The following PAQR8 variants were observed in gnomAD, a reference collection of about 807,000 sequenced individuals.
PAQR8 encodes the protein progestin and adipoQ receptor family member 8.
A neutral mutation model predicts 25.2 loss-of-function variants in PAQR8; 17 were observed. The observed-to-expected ratio is 0.67, with a 90% CI of 0.46 to 1.01. The LOEUF (loss-of-function observed/expected upper bound fraction) is 1.01, where lower values mean the gene tolerates loss of function less well. Among genes scored for constraint, PAQR8 ranks in the 50% least tolerant of loss-of-function variants. The pLI, the probability that PAQR8 is intolerant of heterozygous loss-of-function variation, is 0.00. For synonymous variants in PAQR8, 204 were observed against 190.6 expected (o/e 1.07, Z -0.58); for missense variants, 392 against 448.4 (o/e 0.87, Z 1.14).
intron 1 of PAQR8, among the ~76,000 whole-genome samples, chr6:52,394,096 A>G (rs895151125): frequency 2.0e-5 from 3 of 152,154 alleles, no homozygotes; most frequent in Admixed American, 6.5e-5. Context: ...TGTGAGAGAT[A>G]ATAAGGACTC....
At chr6:52,397,916 CAAAT>C (rs902001890) in intron 1 of PAQR8, among the ~76,000 whole-genome samples, 27 of 152,264 alleles carry the variant, frequency 1.8e-4, no homozygotes, top group African/African-American at 6.3e-4. Context: ...AAAACGGGCT[CAAAT>C]TTTACAGCTG....
rs954411477 is a variant in PAQR8 at position 52,403,212 on chromosome 6, C to A, written c.-2C>A. 11 of 1,590,622 alleles carry A rather than the reference C, an allele frequency of 6.9e-6. No homozygotes were observed. In the African/African-American group the frequency reaches 1.5e-4, roughly 21 times the overall value. Reference sequence around the variant, plus strand: ...GGCACGGAGTGCATGCGGGCCGCTGCCATGACGACCGCCATCTTGGAGCGC... The same window carrying A: ...GGCACGGAGTGCATGCGGGCCGCTGACATGACGACCGCCATCTTGGAGCGC... On this transcript the variant is annotated 5_prime_UTR_variant, in exon 2 of 2. Transcript: ENST00000442253.
intron 1 of PAQR8, among the ~76,000 whole-genome samples, chr6:52,397,732 G>A (rs1409769718): frequency 1.3e-5 from 2 of 152,202 alleles, no homozygotes; most frequent in Non-Finnish European, 2.9e-5. Context: ...AGTGAACCCT[G>A]TGCAAAGGAG....
chr6:52,398,192 CTTTTCTT>C (rs201455951), intron 1 of PAQR8, among the ~76,000 whole-genome samples: 1,594 of 120,356 alleles, frequency 0.013, 32 homozygotes, highest in African/African-American at 0.048. Context: ...TAGAATTTTT[CTTTTCTT>C]TTTTCTTTTT....
In PAQR8 at chr6:52,370,270, G is replaced by T. The variant is rs550161589; in HGVS notation, c.-53+8021G>T. Among the ~76,000 whole-genome samples, 13 of 152,192 alleles carry T rather than the reference G, an allele frequency of 8.5e-5. No homozygotes were observed. The South Asian group carries it at 2.7e-3, about 32-fold the overall frequency. The stretch of plus-strand genomic sequence containing the variant: ...CTAACTCGGACACTTGGGAGGGAGA[G>T]GGAGAAAAAGGCAATAGATGTTGTT... On this transcript the variant is annotated intron_variant, in intron 1 of 1. Coordinates refer to ENST00000442253, the MANE Select transcript of PAQR8 (RefSeq NM_133367.5).
intron 1 of PAQR8, among the ~76,000 whole-genome samples, chr6:52,383,980 G>C (rs568829537): frequency 7.2e-5 from 11 of 152,178 alleles, no homozygotes; most frequent in Non-Finnish European, 1.3e-4. Flanking sequence ...ATCACCATTA[G>C]TGTAACTGGA....
At chr6:52,384,770 G>C (rs1294945593) in intron 1 of PAQR8, among the ~76,000 whole-genome samples, 2 of 152,060 alleles carry the variant, frequency 1.3e-5, no homozygotes, top group East Asian at 3.8e-4. Flanking sequence ...ATACTACAAG[G>C]CTATAGTAAC....
intron 1 of PAQR8, among the ~76,000 whole-genome samples, chr6:52,378,151 T>C (rs1763506776): frequency 6.6e-6 from 1 of 152,240 alleles, no homozygotes; most frequent in Non-Finnish European, 1.5e-5. Flanking sequence ...GTTTTATTTA[T>C]TTAAGTCACA....
chr6:52,384,356 C>G (rs547982854), intron 1 of PAQR8, among the ~76,000 whole-genome samples: 2 of 152,264 alleles, frequency 1.3e-5, no homozygotes, highest in South Asian at 4.1e-4. Context: ...AAGGTGTAAT[C>G]AAGGTGGGGC....
chr6:52,370,760 A>G (rs1255930177), intron 1 of PAQR8, among the ~76,000 whole-genome samples: 1 of 152,180 alleles, frequency 6.6e-6, no homozygotes, highest in Non-Finnish European at 1.5e-5. Context: ...GCCCTGAGGA[A>G]ATCACTTTAT....
rs1461471471 is a variant in PAQR8 at position 52,406,018 on chromosome 6, A to G, written c.*1740A>G. ...ATATCAAGAAAGCATGCGTCTTGTC[A>G]GCTACATTGTTTTCTTAGATGGATT... On this transcript the variant is annotated 3_prime_UTR_variant, in exon 2 of 2. Transcript: ENST00000442253. 1 of 167,262 alleles carries G rather than the reference A, an allele frequency of 6.0e-6. No individual in the cohort carries two copies. The highest frequency in any genetic ancestry group is 2.4e-5 in the African/African-American group (1 of 41,474). 10.4% of individuals were successfully genotyped at this position (167,262 alleles called of 1,614,324 possible).
chr6:52,404,387 C>A lies in PAQR8; in HGVS notation c.*109C>A. On this transcript the variant is annotated 3_prime_UTR_variant, in exon 2 of 2. Coordinates refer to ENST00000442253, the MANE Select transcript of PAQR8 (RefSeq NM_133367.5). ...TTGGCTTTTAAATTAATACATATAT[C>A]CAAGGATATGTTATAGCTGCAGTGT... is the stretch of plus-strand genomic sequence containing the variant. 1 of 1,046,058 alleles carries A rather than the reference C, an allele frequency of 9.6e-7. No homozygotes were observed. Among genetic ancestry groups the A allele is most frequent in the African/African-American group, 1.6e-5 (1 of 61,802 alleles). 64.8% of individuals were successfully genotyped at this position (1,046,058 alleles called of 1,614,324 possible).
rs1554255877 is a variant in PAQR8 at position 52,383,671 on chromosome 6, A to AAC, written c.-52-19490_-52-19489insCA. Among the ~76,000 whole-genome samples the AAC allele has an allele frequency of 7.8e-4, 119 of 151,904 alleles. 1 individual carries two copies. Among genetic ancestry groups the AAC allele is most frequent in the Admixed American group, 3.6e-3 (55 of 15,246 alleles). Reference sequence around the variant, plus strand: ...GCGAGAGTCCGTCTCAAAAAAAAAAAAAAAAACCAGGAATTCCATGACAGT... The same window carrying AAC: ...GCGAGAGTCCGTCTCAAAAAAAAAAAACAAAAAACCAGGAATTCCATGACAGT... On this transcript the variant is annotated intron_variant, in intron 1 of 1. Transcript: ENST00000442253.
intron 1 of PAQR8, among the ~76,000 whole-genome samples, chr6:52,386,811 A>AAT (rs1763637941): frequency 6.6e-6 from 1 of 152,242 alleles, no homozygotes. Context: ...ATACCTCCTG[A>AAT]ATAGAAAAGA....
intron 1 of PAQR8, among the ~76,000 whole-genome samples, chr6:52,385,234 G>A (rs544898456): frequency 6.6e-6 from 1 of 152,136 alleles, no homozygotes; most frequent in Non-Finnish European, 1.5e-5. Flanking sequence ...CACTTGAGAG[G>A]GGGAAACCCC....
chr6:52,366,745 G>A (rs530837007), intron 1 of PAQR8, among the ~76,000 whole-genome samples: 1 of 152,108 alleles, frequency 6.6e-6, no homozygotes, highest in East Asian at 1.9e-4. Flanking sequence ...GGCTTAGACT[G>A]GAGCCATGAT....
At chr6:52,381,391 T>TC (rs1175406573) in intron 1 of PAQR8, among the ~76,000 whole-genome samples, 1 of 152,256 alleles carries the variant, frequency 6.6e-6, no homozygotes, top group East Asian at 1.9e-4. Flanking sequence ...GTGGAATGAT[T>TC]GAGCCCAGGA....
chr6:52,374,786 C>T (rs1169683349), intron 1 of PAQR8, among the ~76,000 whole-genome samples: 1 of 152,044 alleles, frequency 6.6e-6, no homozygotes, highest in Non-Finnish European at 1.5e-5. Flanking sequence ...TGGAGAACTT[C>T]CTAGCTCTTT....
chr6:52,403,599 C>A lies in PAQR8; in HGVS notation c.386C>A (p.Ala129Asp), dbSNP rs753251243. The A allele has an allele frequency of 6.2e-7, 1 of 1,614,088 alleles. No individual in the cohort carries two copies. ...SITYLTCSLL[A>D]HLLQSKSELS... ...ACTTACCTCACCTGCAGCCTTCTGG[C>A]CCACCTGCTGCAGTCCAAGTCAGAG... The change falls in exon 2 of 2, where the codon GCC becomes GAC. Residue 129 changes from alanine to aspartate, a missense_variant. By Grantham distance (126) the Ala-to-Asp change is moderately radical. Coordinates refer to ENST00000442253, the MANE Select transcript of PAQR8 (RefSeq NM_133367.5).
Sources: allele counts gnomAD v4.1 joint callset (sites outside exome capture counted in the v4.1 genomes callset), GRCh38; gene constraint gnomAD v4.1.1; transcripts MANE v1.5; gene names NCBI Gene and HGNC (gene_info 2026-07-23, HGNC 2026-07-21).